Variants in CCNH observed in about 807,000 individuals in gnomAD.
CCNH encodes the protein cyclin H.
In CCNH, 31 loss-of-function variants were observed where a neutral mutation model predicts 41.9. The ratio of observed to expected loss-of-function variants is 0.74; its 90% CI spans 0.56 to 1.00. The LOEUF is 1.00. CCNH is among the 50% of genes least tolerant of loss of function. CCNH has a pLI of 0.00. For missense variants in CCNH, 362 were observed against 388.4 expected (o/e 0.93, Z 0.57); for synonymous variants, 138 against 136.1 (o/e 1.01, Z -0.10).
intron 9 of CCNH, among the ~76,000 whole-genome samples, chr5:87,354,033 C>G (rs1300541444): frequency 6.6e-6 from 1 of 151,956 alleles, no homozygotes; most frequent in Non-Finnish European, 1.5e-5. Flanking sequence ...GGGTACCCAG[C>G]TGCAATTGTA....
exon 1 of CCNH, chr5:87,376,992 G>T (rs1684635771): frequency 6.2e-7 from 1 of 1,613,700 alleles, no homozygotes; most frequent in African/African-American, 1.3e-5. Context: ...CGAAAAGCTT[G>T]AATCGTTGTT....
At chr5:87,375,993 G>A (rs994877911), downstream of CCNH, among the ~76,000 whole-genome samples, 3 of 152,032 alleles carry the variant, frequency 2.0e-5, no homozygotes, top group African/African-American at 7.3e-5. Context: ...TACACCTCTA[G>A]ATCTCGTCCG....
chr5:87,331,545 T>C, intron 9 of CCNH: 1 of 1,585,528 alleles, frequency 6.3e-7, no homozygotes, highest in Middle Eastern at 1.8e-4. Flanking sequence ...GTAGCTATTT[T>C]GATATAATAT....
At chr5:87,374,160 TA>T, downstream of CCNH, 1 of 1,441,130 alleles carries the variant, frequency 6.9e-7, no homozygotes, top group East Asian at 2.6e-5. Context: ...TTTTTTTTTT[TA>T]GGTCAGCAGC....
upstream of CCNH, among the ~76,000 whole-genome samples, chr5:87,381,224 C>T (rs1466987148): frequency 6.6e-6 from 1 of 152,172 alleles, no homozygotes; most frequent in Non-Finnish European, 1.5e-5. Flanking sequence ...AGAAGCAGAT[C>T]TGTCTGGAGA....
At chr5:87,338,011 T>A in intron 9 of CCNH, 1 of 1,611,802 alleles carries the variant, frequency 6.2e-7, no homozygotes, top group Non-Finnish European at 8.5e-7. Flanking sequence ...TCATAATGAA[T>A]TAGAAGATGG....
intron 9 of CCNH, among the ~76,000 whole-genome samples, chr5:87,362,041 T>G (rs1441883965): frequency 6.6e-6 from 1 of 152,114 alleles, no homozygotes; most frequent in Non-Finnish European, 1.5e-5. Context: ...ACACACTTAG[T>G]GGATTGAGGG....
At chr5:87,359,566 TG>T (rs889615430) in intron 9 of CCNH, among the ~76,000 whole-genome samples, 5 of 152,184 alleles carry the variant, frequency 3.3e-5, no homozygotes, top group African/African-American at 1.2e-4. Context: ...AATATTAGTG[TG>T]GTTACATGTC....
At chr5:87,384,561 T>G (rs1761939648) in intron 9 of CCNH, among the ~76,000 whole-genome samples, 5 of 152,128 alleles carry the variant, frequency 3.3e-5, no homozygotes, top group Non-Finnish European at 7.4e-5. Context: ...AATCTATAAA[T>G]TATTAATATT....
At chr5:87,376,328 T>C (rs1761323964) in exon 1 of CCNH, 4 of 1,575,932 alleles carry the variant, frequency 2.5e-6, no homozygotes, top group Middle Eastern at 1.8e-4. Context: ...ACCAGGAAAA[T>C]TTACTTGCAT....
Position 87,360,331 on chromosome 5 carries a change from G to A in CCNH, c.*90+32439C>T, listed in dbSNP as rs183458143. On this transcript the variant is annotated intron_variant and NMD_transcript_variant, in intron 9 of 9. Coordinates refer to the CCNH transcript ENST00000645953. ...AGTAGAGACAGGGTTTCACCATGTC[G>A]GCCAGGCTGGGCGAACTCCTGACTT... Among the ~76,000 whole-genome samples the A allele has an allele frequency of 2.2e-3, 338 of 152,012 alleles. 1 individual carries two copies. The highest frequency in any genetic ancestry group is 7.9e-3 in the African/African-American group (327 of 41,454).
the CCNH span, among the ~76,000 whole-genome samples, chr5:87,312,315 TTAGA>T: frequency 1.2e-4 from 18 of 152,206 alleles, no homozygotes; most frequent in African/African-American, 3.9e-4. Flanking sequence ...TTCTGTTAAG[TTAGA>T]TAGTAAACAT....
intron 9 of CCNH, among the ~76,000 whole-genome samples, chr5:87,362,350 G>A (rs1760169881): frequency 6.6e-6 from 1 of 152,118 alleles, no homozygotes; most frequent in African/African-American, 2.4e-5. Flanking sequence ...ACCTTTCTGT[G>A]AACTTTGTTG....
At chr5:87,376,716 G>T (rs1044292920) in exon 1 of CCNH, 1 of 1,247,484 alleles carries the variant, frequency 8.0e-7, no homozygotes, top group Non-Finnish European at 1.1e-6. Context: ...CTGTAATTTT[G>T]GTAGAAATAA....
intron 9 of CCNH, among the ~76,000 whole-genome samples, chr5:87,320,317 G>A (rs1422818818): frequency 6.6e-6 from 1 of 152,120 alleles, no homozygotes. Flanking sequence ...GCATTTTGAG[G>A]TATCTTTATA....
chr5:87,380,494 G>T (rs879849698), upstream of CCNH: 3 of 1,598,978 alleles, frequency 1.9e-6, no homozygotes, highest in African/African-American at 4.0e-5. Context: ...TGAGATGATT[G>T]TGTTATTTTG....
exon 1 of CCNH, chr5:87,376,958 C>T: frequency 6.2e-7 from 1 of 1,611,504 alleles, no homozygotes; most frequent in Non-Finnish European, 8.5e-7. Flanking sequence ...TACTGGCCAG[C>T]ATCCTACTGA....
intron 9 of CCNH, among the ~76,000 whole-genome samples, chr5:87,340,283 C>T (rs867771275): frequency 1.3e-5 from 2 of 152,026 alleles, no homozygotes; most frequent in African/African-American, 4.8e-5. Flanking sequence ...AAATTGTTTC[C>T]TTCTGTATTT....
chr5:87,316,781 T>C (rs1756374299), downstream of CCNH, among the ~76,000 whole-genome samples: 1 of 152,226 alleles, frequency 6.6e-6, no homozygotes, highest in Admixed American at 6.5e-5. Flanking sequence ...CACTGATTTC[T>C]TCTTGCATGT....
Sources: gnomAD v4.1 joint callset for allele counts (sites outside exome capture counted in the v4.1 genomes callset) on GRCh38, gnomAD v4.1.1 for gene constraint, MANE v1.5 for transcripts, NCBI Gene and HGNC (gene_info 2026-07-23, HGNC 2026-07-21) for gene names.